The following NRG3 variants were observed in gnomAD, a reference collection of about 807,000 sequenced individuals.
NRG3 encodes pro-neuregulin-3, membrane-bound isoform.
NRG3 carries 31 observed loss-of-function variants against 66.9 expected under a neutral mutation model. That is an observed-to-expected ratio of 0.46 (90% CI 0.35 to 0.63). The LOEUF is 0.63. NRG3 is among the 20% of genes least tolerant of loss of function. The pLI is 0.00. For synonymous variants in NRG3, 393 were observed against 359.4 expected, an observed-to-expected ratio of 1.09 and a Z score of -1.06; for missense variants, 910 against 878.9, an observed-to-expected ratio of 1.04 and a Z score of -0.45.
At chr10:82,307,742 C>T (rs1306592446) in intron 1 of NRG3, among the ~76,000 whole-genome samples, 1 of 148,162 alleles carries the variant, frequency 6.7e-6, no homozygotes, top group Non-Finnish European at 1.5e-5. Flanking sequence ...CCATTTTTCC[C>T]TCCAATTTCA....
intron 1 of NRG3, among the ~76,000 whole-genome samples, chr10:82,028,260 T>A (rs142941395): frequency 3.3e-5 from 5 of 152,056 alleles, no homozygotes; most frequent in African/African-American, 1.2e-4. Context: ...GCTTCCAGAC[T>A]TCTGGTCATA....
chr10:82,719,375 T>C (rs1193958437), intron 2 of NRG3, among the ~76,000 whole-genome samples: 1 of 152,202 alleles, frequency 6.6e-6, no homozygotes, highest in Non-Finnish European at 1.5e-5. Flanking sequence ...TAGATAAAGA[T>C]ACATACCTTA....
chr10:82,082,517 G>T (rs987581174), intron 1 of NRG3, among the ~76,000 whole-genome samples: 48 of 152,288 alleles, frequency 3.2e-4, no homozygotes, highest in African/African-American at 1.2e-3. Context: ...TAACAGGGTT[G>T]TCTGTGGGGC....
intron 1 of NRG3, among the ~76,000 whole-genome samples, chr10:82,081,558 A>G (rs2065395836): frequency 6.6e-6 from 1 of 152,192 alleles, no homozygotes; most frequent in Non-Finnish European, 1.5e-5. Flanking sequence ...CAGTCTTTCT[A>G]GGTAAGGTAC....
intron 1 of NRG3, among the ~76,000 whole-genome samples, chr10:81,995,290 A>C (rs1041088199): frequency 6.6e-6 from 1 of 152,214 alleles, no homozygotes; most frequent in Non-Finnish European, 1.5e-5. Context: ...GGAAGGTAAC[A>C]CCAAAATGTT....
At chr10:82,757,882 A>G in intron 3 of NRG3, among the ~76,000 whole-genome samples, 1 of 152,036 alleles carries the variant, frequency 6.6e-6, no homozygotes, top group African/African-American at 2.4e-5. Flanking sequence ...ATGTATTTAT[A>G]TTTTAAAATA....
chr10:82,430,617 A>C (rs1384911092), intron 2 of NRG3, among the ~76,000 whole-genome samples: 1 of 152,120 alleles, frequency 6.6e-6, no homozygotes, highest in African/African-American at 2.4e-5. Context: ...ATTGTAAATC[A>C]AATACCCCTC....
At chr10:82,374,289 A>G (rs1242887596) in intron 2 of NRG3, among the ~76,000 whole-genome samples, 6 of 152,224 alleles carry the variant, frequency 3.9e-5, no homozygotes, top group African/African-American at 7.2e-5. Context: ...ACATGACAAG[A>G]AGGAGACTCC....
intron 2 of NRG3, among the ~76,000 whole-genome samples, chr10:82,433,309 GTTGT>G (rs1475064408): frequency 8.5e-5 from 13 of 152,160 alleles, no homozygotes; most frequent in African/African-American, 3.1e-4. Flanking sequence ...TTTTGATGGG[GTTGT>G]TTGTTTTTTT....
chr10:81,875,688 C>T lies in NRG3; in HGVS notation c.348C>T (p.Ser116=). 1.9e-6 allele frequency: 3 copies of T among 1,613,916 alleles called. No homozygotes were observed. Among genetic ancestry groups the T allele is most frequent in the Non-Finnish European group, 2.5e-6 (3 of 1,179,980 alleles). Residue 116 remains serine (S), a synonymous_variant, in exon 1 of 9, where the codon TCC becomes TCT. Coordinates refer to ENST00000372141, the MANE Select transcript of NRG3 (RefSeq NM_001010848.4). This position sits in a 1 kb window ranked among gnomAD's most constrained non-coding sequence, Gnocchi z 5.3. ...KGMGQDPFFL[S]KPSSFPKAME... ...TGGGCCAGGACCCCTTCTTCCTCTCCAAGCCCAGCTCTTTCCCCAAGGCCA... is the reference window on the plus strand; with the variant it reads ...TGGGCCAGGACCCCTTCTTCCTCTCTAAGCCCAGCTCTTTCCCCAAGGCCA...
intron 2 of NRG3, among the ~76,000 whole-genome samples, chr10:82,484,487 A>G (rs1188020890): frequency 6.6e-6 from 1 of 152,188 alleles, no homozygotes; most frequent in African/African-American, 2.4e-5. Flanking sequence ...TGTTGTCATT[A>G]CTGTTATTGT....
At chr10:82,207,154 T>C (rs2075159553) in intron 1 of NRG3, among the ~76,000 whole-genome samples, 1 of 152,216 alleles carries the variant, frequency 6.6e-6, no homozygotes. Flanking sequence ...AGGTCTTTGG[T>C]TCTTGCTTGA....
chr10:82,246,322 A>AT, intron 1 of NRG3, among the ~76,000 whole-genome samples: 1 of 152,276 alleles, frequency 6.6e-6, no homozygotes, highest in Non-Finnish European at 1.5e-5. Context: ...GATATGCCTC[A>AT]TTTTTGTGCT....
chr10:82,373,516 G>C (rs1358869751), intron 2 of NRG3, among the ~76,000 whole-genome samples: 1 of 152,158 alleles, frequency 6.6e-6, no homozygotes, highest in Non-Finnish European at 1.5e-5. Flanking sequence ...ATTCAATTAG[G>C]AACTCTCAAC....
chr10:81,938,175 C>A (rs1469178854), intron 1 of NRG3, among the ~76,000 whole-genome samples: 1 of 152,058 alleles, frequency 6.6e-6, no homozygotes, highest in Non-Finnish European at 1.5e-5. Context: ...ATGAGGCTTG[C>A]AGCTTTGCTT....
At chr10:82,753,136 G>A (rs1473603713) in intron 3 of NRG3, among the ~76,000 whole-genome samples, 1 of 152,098 alleles carries the variant, frequency 6.6e-6, no homozygotes, top group Non-Finnish European at 1.5e-5. Flanking sequence ...GTTTTCCAAA[G>A]CCTCTTTGAC....
intron 5 of NRG3, 143 bp downstream of exon 5, chr10:82,951,714 T>C: frequency 1.5e-6 from 1 of 666,220 alleles, no homozygotes; most frequent in Non-Finnish European, 2.6e-6. Context: ...TAGGACATTT[T>C]TGTAAATTGT....
intron 1 of NRG3, among the ~76,000 whole-genome samples, chr10:81,937,952 T>C (rs1217194859): frequency 6.6e-6 from 1 of 151,960 alleles, no homozygotes; most frequent in African/African-American, 2.4e-5. Context: ...TTTGTTCTTT[T>C]CCATGTGGGT....
chr10:82,337,421 G>A (rs1040057698), intron 1 of NRG3, among the ~76,000 whole-genome samples: 2 of 152,178 alleles, frequency 1.3e-5, no homozygotes, highest in African/African-American at 4.8e-5. Flanking sequence ...GGACAATGGA[G>A]TTGCTTCCAC....
Sources: gnomAD v4.1 joint callset for allele counts (sites outside exome capture counted in the v4.1 genomes callset) on GRCh38, gnomAD v4.1.1 for gene constraint, Gnocchi (gnomAD v3.1) non-coding constraint, MANE v1.5 for transcripts, NCBI Gene and HGNC (gene_info 2026-07-23, HGNC 2026-07-21) for gene names.